PTPRG: variants seen among roughly 807,000 people sequenced by gnomAD.
The protein encoded by PTPRG is protein tyrosine phosphatase receptor type G, also known as receptor-type tyrosine-protein phosphatase gamma.
A neutral mutation model predicts 165.3 loss-of-function variants in PTPRG; 102 were observed. The ratio of observed to expected loss-of-function variants is 0.62; its 90% CI spans 0.53 to 0.73. PTPRG has a LOEUF of 0.73. Ranked by LOEUF, PTPRG falls within the 30% of genes least tolerant of loss-of-function variation. The probability of loss-of-function intolerance (pLI) is 0.00; values close to 1 mark genes in which losing one functional copy is unlikely to be tolerated. For synonymous variants in PTPRG, 675 were observed against 669.5 expected, an observed-to-expected ratio of 1.01 and a Z score of -0.13; for missense variants, 1,866 against 1,861.4, an observed-to-expected ratio of 1.00 and a Z score of -0.05.
At chr3:62,071,797 T>G (rs1051436288) in intron 4 of PTPRG, among the ~76,000 whole-genome samples, 1 of 152,194 alleles carries the variant, frequency 6.6e-6, no homozygotes. Context: ...AATTTCAAAT[T>G]ACAAATTTTG....
chr3:61,871,128 A>ATGTTGTGTTGTGTTGTGTTGTGTTG (rs796152535), intron 2 of PTPRG, among the ~76,000 whole-genome samples: 1 of 123,068 alleles, frequency 8.1e-6, no homozygotes. Flanking sequence ...ATGTTATGTT[A>ATGTTGTGTTGTGTTGTGTTGTGTTG]TGTTGTGTTG....
chr3:61,626,364 G>A (rs1701610402), intron 1 of PTPRG, among the ~76,000 whole-genome samples: 1 of 152,150 alleles, frequency 6.6e-6, no homozygotes, highest in South Asian at 2.1e-4. Flanking sequence ...GTATTTGCCT[G>A]CTGGTATGCC....
At chr3:61,642,576 C>T (rs1424680881) in intron 1 of PTPRG, among the ~76,000 whole-genome samples, 1 of 152,162 alleles carries the variant, frequency 6.6e-6, no homozygotes. Context: ...CAGACTCCAC[C>T]TGTTCTCCTT....
At chr3:61,983,141 G>T (rs1186998994) in intron 2 of PTPRG, among the ~76,000 whole-genome samples, 1 of 152,116 alleles carries the variant, frequency 6.6e-6, no homozygotes, top group African/African-American at 2.4e-5. Context: ...GCAGTAATAT[G>T]CATGCCTTTT....
chr3:61,657,258 A>C (rs892067443), intron 1 of PTPRG, among the ~76,000 whole-genome samples: 1 of 152,090 alleles, frequency 6.6e-6, no homozygotes, highest in African/African-American at 2.4e-5. Context: ...TCCTCTGGGC[A>C]TGTGGAGGAC....
In PTPRG at chr3:62,267,527, G is replaced by A. The variant is rs57118013; in HGVS notation, c.2739+35G>A. The stretch of plus-strand genomic sequence containing the variant: ...AACTGTTATTATAAACCTGTTTCTA[G>A]AAATTGAAGACTGCAGCAGAAACTG... On this transcript the variant is annotated intron_variant, in intron 18 of 29. Transcript: ENST00000474889. The A allele has an allele frequency of 7.0e-6, 11 of 1,567,264 alleles. No homozygotes were observed. The African/African-American group carries it at 1.2e-4, about 18-fold the overall frequency.
At chr3:62,163,666 A>C (rs1231176865) in intron 7 of PTPRG, among the ~76,000 whole-genome samples, 1 of 152,240 alleles carries the variant, frequency 6.6e-6, no homozygotes, top group Non-Finnish European at 1.5e-5. Flanking sequence ...TAGTTACCAC[A>C]TTCCTCATGA....
At chr3:61,959,730 T>C (rs893447483) in intron 2 of PTPRG, among the ~76,000 whole-genome samples, 1 of 152,250 alleles carries the variant, frequency 6.6e-6, no homozygotes, top group Admixed American at 6.5e-5. Flanking sequence ...AAATTTCTTA[T>C]GTTCACAACA....
At chr3:61,923,575 GC>G (rs1384444025) in intron 2 of PTPRG, among the ~76,000 whole-genome samples, 2 of 100,302 alleles carry the variant, frequency 2.0e-5, no homozygotes, top group East Asian at 2.6e-4. Context: ...CCCCACAACA[GC>G]CCCCGGTGTG....
chr3:61,630,631 A>T (rs753171706), intron 1 of PTPRG, among the ~76,000 whole-genome samples: 10 of 152,108 alleles, frequency 6.6e-5, no homozygotes, highest in Non-Finnish European at 1.5e-4. Context: ...ATTCATTGCA[A>T]TGTGTTTGTG....
intron 5 of PTPRG, chr3:62,124,103 C>T (rs559446969): frequency 3.7e-6 from 2 of 546,470 alleles, no homozygotes; most frequent in South Asian, 2.7e-5. Context: ...TTCAACTTGT[C>T]CTCCTTGTGA....
chr3:61,728,889 AAAAG>A (rs1220053456), intron 1 of PTPRG, among the ~76,000 whole-genome samples: 29 of 150,532 alleles, frequency 1.9e-4, no homozygotes, highest in South Asian at 6.3e-4. Flanking sequence ...AAAAAAAAAA[AAAAG>A]AAAGAAAGAA....
intron 4 of PTPRG, among the ~76,000 whole-genome samples, chr3:62,004,075 A>C (rs2041235324): frequency 6.6e-6 from 1 of 152,216 alleles, no homozygotes; most frequent in Admixed American, 6.5e-5. Flanking sequence ...GCACTAGGTC[A>C]GATGCTGCTG....
intron 6 of PTPRG, among the ~76,000 whole-genome samples, chr3:62,134,237 A>G (rs1009238240): frequency 2.6e-5 from 4 of 152,160 alleles, no homozygotes; most frequent in African/African-American, 7.2e-5. Context: ...TTTCAACCCT[A>G]CCCTCTAAGT....
intron 27 of PTPRG, among the ~76,000 whole-genome samples, chr3:62,282,333 T>C (rs2148889956): frequency 6.6e-6 from 1 of 151,938 alleles, no homozygotes; most frequent in South Asian, 2.1e-4. Context: ...AAGCGATCCT[T>C]TCACATCAGC....
At chr3:61,603,789 C>G (rs889913654) in intron 1 of PTPRG, among the ~76,000 whole-genome samples, 5 of 152,158 alleles carry the variant, frequency 3.3e-5, no homozygotes, top group Non-Finnish European at 7.3e-5. Flanking sequence ...CCAATCTCTG[C>G]CTCCATCTTC....
intron 4 of PTPRG, among the ~76,000 whole-genome samples, chr3:62,026,300 T>G (rs549835566): frequency 6.6e-6 from 1 of 152,238 alleles, no homozygotes; most frequent in East Asian, 1.9e-4. Flanking sequence ...TGCAATGTTC[T>G]TGACATTCAA....
Position 61,956,326 on chromosome 3 carries a change from T to C in PTPRG, c.191-33299T>C, listed in dbSNP as rs375562749. On this transcript the variant is annotated intron_variant, in intron 2 of 29. Coordinates refer to ENST00000474889, the MANE Select transcript of PTPRG (RefSeq NM_002841.4). ...CACACACACGCTTACTACATATTCA[T>C]ACATTTATTCTACAGGGAAGAAGAG... 2.6e-5 allele frequency among the ~76,000 whole-genome samples: 4 copies of C among 152,074 alleles called. 1 individual carries two copies. The highest frequency in any genetic ancestry group is 7.2e-5 in the African/African-American group (3 of 41,504).
At chr3:61,694,023 A>C (rs939844229) in intron 1 of PTPRG, among the ~76,000 whole-genome samples, 1 of 144,034 alleles carries the variant, frequency 6.9e-6, no homozygotes, top group East Asian at 2.0e-4. Context: ...AAAAAAAAAA[A>C]AAAGAGAGAG....
Sources: allele counts gnomAD v4.1 joint callset (sites outside exome capture counted in the v4.1 genomes callset), GRCh38; gene constraint gnomAD v4.1.1; transcripts MANE v1.5; gene names NCBI Gene and HGNC (gene_info 2026-07-23, HGNC 2026-07-21).